DLEC1: variants seen among roughly 807,000 people sequenced by gnomAD.
DLEC1 encodes deleted in lung and esophageal cancer protein 1.
In DLEC1, 146 loss-of-function variants were observed where a neutral mutation model predicts 198.1. The observed-to-expected ratio is 0.74, with a 90% CI of 0.64 to 0.85. The LOEUF is 0.85. Among genes scored for constraint, DLEC1 ranks in the 40% least tolerant of loss-of-function variants. The probability of loss-of-function intolerance (pLI) is 0.00; values close to 1 mark genes in which losing one functional copy is unlikely to be tolerated. For missense variants in DLEC1, 2,233 were observed against 2,220.0 expected (o/e 1.01, Z -0.12); for synonymous variants, 897 against 866.8 (o/e 1.03, Z -0.61).
In DLEC1 at chr3:38,086,390, AG is replaced by A; in HGVS notation, c.1572+15del. 6.3e-7 allele frequency: 1 copy of A among 1,593,102 alleles called. No homozygotes were observed. The highest frequency in any genetic ancestry group is 8.6e-7 in the Non-Finnish European group (1 of 1,168,940). ...ACTAAGTTTCAAGGTGAGTGATCAC[AG>A]GTTGCTAACTGGAAAAATTACAAGT... is the stretch of plus-strand genomic sequence containing the variant. On this transcript the variant is annotated intron_variant, in intron 9 of 36. Coordinates refer to ENST00000308059, the MANE Select transcript of DLEC1 (RefSeq NM_007335.4).
chr3:38,088,228 A>T, intron 9 of DLEC1, 68 bp from the exon 10 acceptor site: 4 of 1,378,722 alleles, frequency 2.9e-6, no homozygotes, highest in Non-Finnish European at 3.1e-6. Context: ...GAAGGAGAGA[A>T]GTTTGCAATC....
chr3:38,056,463 C>T (rs999940130), intron 2 of DLEC1, among the ~76,000 whole-genome samples: 2 of 152,068 alleles, frequency 1.3e-5, no homozygotes, highest in African/African-American at 2.4e-5. Flanking sequence ...GCATGTGCCA[C>T]GAGGCCTGGC....
intron 1 of DLEC1, among the ~76,000 whole-genome samples, chr3:38,041,673 C>T (rs1407013042): frequency 6.6e-6 from 1 of 150,474 alleles, no homozygotes; most frequent in Non-Finnish European, 1.5e-5. Flanking sequence ...ATAGTGAAAC[C>T]CTGTCTGTAC....
intron 25 of DLEC1, among the ~76,000 whole-genome samples, chr3:38,113,150 CAT>C (rs1699976428): frequency 6.6e-6 from 1 of 152,190 alleles, no homozygotes; most frequent in Admixed American, 6.5e-5. Flanking sequence ...GGCCAATAAA[CAT>C]ATTAAAATCT....
intron 1 of DLEC1, among the ~76,000 whole-genome samples, chr3:38,045,220 C>T (rs554460322): frequency 7.2e-5 from 11 of 152,302 alleles, no homozygotes; most frequent in African/African-American, 2.4e-4. Flanking sequence ...CTTCCTTGAA[C>T]GTGGATCTGG....
chr3:38,078,338 G>T (rs1697752761), intron 6 of DLEC1, among the ~76,000 whole-genome samples: 1 of 152,248 alleles, frequency 6.6e-6, no homozygotes, highest in African/African-American at 2.4e-5. Context: ...GCTTCTAAAA[G>T]TATTAAAGCA....
Position 38,097,594 on chromosome 3 carries a change from A to G in DLEC1, c.2522A>G (p.Asp841Gly). 6.2e-7 allele frequency: 1 copy of G among 1,613,898 alleles called. No individual in the cohort carries two copies. Among genetic ancestry groups the G allele is most frequent in the Non-Finnish European group, 8.5e-7 (1 of 1,179,974 alleles). Residue 841 changes from aspartate (D) to glycine (G), a missense_variant, in exon 17 of 37, where the codon GAC (aspartate) becomes GGC (glycine). Coordinates refer to ENST00000308059, the MANE Select transcript of DLEC1 (RefSeq NM_007335.4). ...CAGGACCTGCTGTGTGAAATCGAAG[A>G]CTCGCCCTCGCCAGTGGTGTTACAC... is the stretch of plus-strand genomic sequence containing the variant. Reference protein sequence around the residue: ...TSQDLLCEIEDSPSPVVLHIE... With the variant: ...TSQDLLCEIEGSPSPVVLHIE...
chr3:38,101,078 T>C (rs1699282514), intron 19 of DLEC1, among the ~76,000 whole-genome samples: 1 of 152,214 alleles, frequency 6.6e-6, no homozygotes, highest in South Asian at 2.1e-4. Context: ...CTCCCTTCAA[T>C]AATTGTCAAC....
In DLEC1 at chr3:38,122,849, G is replaced by T; in HGVS notation, c.*437G>T. ...TTGCACAGCTAAAGAGGGTCTGATG[G>T]GTGGCTCAACACCCCACCCACTCCT... is the stretch of plus-strand genomic sequence containing the variant. On this transcript the variant is annotated 3_prime_UTR_variant, in exon 37 of 37. Coordinates refer to ENST00000308059, the MANE Select transcript of DLEC1 (RefSeq NM_007335.4). The T allele has an allele frequency of 1.3e-6, 1 of 797,458 alleles. No homozygotes were observed. The highest frequency in any genetic ancestry group is 1.9e-6 in the Non-Finnish European group (1 of 518,242). 49.4% of individuals were successfully genotyped at this position (797,458 alleles called of 1,614,324 possible).
Position 38,063,857 on chromosome 3 carries a change from G to A in DLEC1, c.1111G>A (p.Val371Met). ...EPEQSCADTP[V>M]FLAKPPIGFF... ...ATCCCACAGTTGTGCTGATACTCCA[G>A]TGTTTCTAGCTAAGCCACCAATTGG... The change falls in exon 6 of 37, where the codon GTG becomes ATG. Residue 371 changes from valine (V) to methionine (M), a missense_variant. Transcript: ENST00000308059. 2 of 1,613,546 alleles carry A rather than the reference G, an allele frequency of 1.2e-6. No individual in the cohort carries two copies. The highest frequency in any genetic ancestry group is 1.7e-6 in the Non-Finnish European group (2 of 1,179,682).
At chr3:38,082,284 C>T (rs1441300990) in intron 6 of DLEC1, among the ~76,000 whole-genome samples, 15 of 138,518 alleles carry the variant, frequency 1.1e-4, no homozygotes, top group African/African-American at 3.1e-4. Flanking sequence ...GGATGGCGGC[C>T]GGGCGGAGAC....
intron 25 of DLEC1, among the ~76,000 whole-genome samples, chr3:38,113,637 GC>G (rs1699998435): frequency 6.6e-6 from 1 of 152,092 alleles, no homozygotes; most frequent in Non-Finnish European, 1.5e-5. Flanking sequence ...GTTGCAGTCA[GC>G]CGAGATCATG....
rs764094051 is a variant in DLEC1 at position 38,108,482 on chromosome 3, C to T, written c.3096C>T (p.Cys1032=). 6 of 1,614,116 alleles carry T rather than the reference C, an allele frequency of 3.7e-6. No homozygotes were observed. In the South Asian group the frequency reaches 6.6e-5, roughly 18 times the overall value. The change falls in exon 21 of 37, where the codon TGC becomes TGT. Residue 1032 remains cysteine (C), a synonymous_variant. Transcript: ENST00000308059. ...GCCTGCTGGGCCCAAGTGAGGAGTGCCAGCTCAAGTTGGAGTTGACTGCTC... is the reference window on the plus strand; with the variant it reads ...GCCTGCTGGGCCCAAGTGAGGAGTGTCAGCTCAAGTTGGAGTTGACTGCTC... ...KHGLLGPSEE[C]QLKLELTAHT...
chr3:38,116,358 A>T, intron 27 of DLEC1, 95 bp from the exon 28 acceptor site: 2 of 1,201,682 alleles, frequency 1.7e-6, no homozygotes, highest in Non-Finnish European at 2.4e-6. Flanking sequence ...ATGGGAGAAT[A>T]GGTCATCTCT....
At chr3:38,108,734 A>G (rs965033692) in intron 21 of DLEC1, among the ~76,000 whole-genome samples, 36 of 152,226 alleles carry the variant, frequency 2.4e-4, no homozygotes, top group Non-Finnish European at 5.9e-5. Context: ...ATGTGCCCTG[A>G]GACCCACTGG....
At chr3:38,079,652 G>A (rs988866041) in intron 6 of DLEC1, among the ~76,000 whole-genome samples, 7 of 152,180 alleles carry the variant, frequency 4.6e-5, no homozygotes, top group Admixed American at 4.6e-4. Flanking sequence ...ATTTCCAGTG[G>A]GGTCCCACAC....
rs1202740179 is a variant in DLEC1, at chr3:38,086,321, A to G, written c.1516A>G (p.Ser506Gly). 6 of 1,613,272 alleles carry G rather than the reference A, an allele frequency of 3.7e-6. No homozygotes were observed. Among genetic ancestry groups the G allele is most frequent in the Non-Finnish European group, 5.1e-6 (6 of 1,179,610 alleles). ...TRFICKNVGF[S>G]VGRFCIMPKT... ...ATTCATCTGCAAAAATGTGGGTTTC[A>G]GTGTTGGCAGGTTCTGCATTATGCC... Residue 506 changes from serine (S) to glycine (G), a missense_variant, in exon 9 of 37, where the codon AGT becomes GGT. Physicochemically the swap from Ser to Gly is moderately conservative, Grantham distance 56 (BLOSUM62 0). Coordinates refer to ENST00000308059, the MANE Select transcript of DLEC1 (RefSeq NM_007335.4).
chr3:38,082,573 G>A (rs1698108064), intron 6 of DLEC1, among the ~76,000 whole-genome samples: 2 of 152,158 alleles, frequency 1.3e-5, no homozygotes, highest in African/African-American at 4.8e-5. Flanking sequence ...AGGTTGGGGT[G>A]TGGAAATAAG....
intron 6 of DLEC1, among the ~76,000 whole-genome samples, chr3:38,067,520 A>G (rs992804265): frequency 1.2e-4 from 18 of 152,242 alleles, no homozygotes; most frequent in Non-Finnish European, 1.8e-4. Context: ...GAGAGAGCAC[A>G]ATGGGAATGA....
Sources: gnomAD v4.1 joint callset for allele counts (sites outside exome capture counted in the v4.1 genomes callset) on GRCh38, gnomAD v4.1.1 for gene constraint, MANE v1.5 for transcripts, NCBI Gene and HGNC (gene_info 2026-07-23, HGNC 2026-07-21) for gene names.